MOK: variants seen among roughly 807,000 people sequenced by gnomAD.
MOK encodes MOK protein kinase, also known as MAPK/MAK/MRK overlapping kinase.
Under a neutral mutation model 54.2 loss-of-function variants are expected in MOK, and 59 were observed. The observed-to-expected ratio is 1.09, with a 90% CI of 0.88 to 1.35. MOK has a LOEUF of 1.35. Among genes scored for constraint, MOK ranks in the 40% most tolerant of loss-of-function variants. MOK has a pLI of 0.00. For synonymous variants in MOK, 210 were observed against 202.7 expected (o/e 1.04, Z -0.31); for missense variants, 517 against 526.2 (o/e 0.98, Z 0.17).
At chr14:102,304,714 G>C (rs980949468) in intron 1 of MOK, among the ~76,000 whole-genome samples, 1 of 152,216 alleles carries the variant, frequency 6.6e-6, no homozygotes, top group African/African-American at 2.4e-5. Context: ...GGGAACTCGA[G>C]TCGGCTCTCC....
At chr14:102,274,098 T>C (rs1025004218) in intron 2 of MOK, among the ~76,000 whole-genome samples, 2 of 151,480 alleles carry the variant, frequency 1.3e-5, no homozygotes, top group Non-Finnish European at 2.9e-5. Context: ...GCTGGGACTA[T>C]AGGCGCCTGC....
intron 1 of MOK, among the ~76,000 whole-genome samples, chr14:102,302,920 G>C (rs890140284): frequency 5.3e-5 from 8 of 151,368 alleles, no homozygotes; most frequent in Admixed American, 4.6e-4. Flanking sequence ...CCAACACTTT[G>C]GGAGGCTGAG....
intron 2 of MOK, 26 bp downstream of exon 2, chr14:102,283,452 G>C (rs963357059): frequency 2.0e-6 from 3 of 1,502,048 alleles, no homozygotes. Context: ...TCTGTGTTTG[G>C]TCCCAAGTGC....
At chr14:102,268,075 T>C (rs2068055566) in intron 2 of MOK, among the ~76,000 whole-genome samples, 1 of 152,112 alleles carries the variant, frequency 6.6e-6, no homozygotes, top group South Asian at 2.1e-4. Flanking sequence ...GAACACCCGA[T>C]CTGAAAAACT....
chr14:102,229,298 G>T lies in MOK; in HGVS notation c.1251C>A (p.Gly417=), dbSNP rs1162876952. The change falls in exon 12 of 12, where the codon GGC becomes GGA. Residue 417 remains glycine, a synonymous_variant. Coordinates refer to ENST00000361847, the MANE Select transcript of MOK (RefSeq NM_014226.3). ...QCRLPTIVRK[G]GR ...CGACGGTGCTGCTCAGTTATCTTCC[G>T]CCTTTCCGCACTATGGTGGGCAGGC... is the stretch of plus-strand genomic sequence containing the variant. The T allele has an allele frequency of 6.2e-7, 1 of 1,603,968 alleles. No homozygotes were observed. Among genetic ancestry groups the T allele is most frequent in the Non-Finnish European group, 8.5e-7 (1 of 1,174,122 alleles).
intron 2 of MOK, among the ~76,000 whole-genome samples, chr14:102,273,348 G>A (rs1323764368): frequency 2.0e-5 from 3 of 150,276 alleles, no homozygotes; most frequent in Non-Finnish European, 4.4e-5. Context: ...AAAATTAATT[G>A]CATTTCTACA....
At chr14:102,270,779 G>A (rs2068288728) in intron 2 of MOK, among the ~76,000 whole-genome samples, 1 of 152,070 alleles carries the variant, frequency 6.6e-6, no homozygotes, top group Non-Finnish European at 1.5e-5. Context: ...CTTATTAGTT[G>A]TTATCAAAAA....
At chr14:102,271,261 T>C (rs764794385) in intron 2 of MOK, among the ~76,000 whole-genome samples, 5 of 152,202 alleles carry the variant, frequency 3.3e-5, no homozygotes, top group Admixed American at 6.5e-5. Context: ...TTATTTGGCA[T>C]AGTTCTGGTT....
At chr14:102,278,572 G>C in intron 2 of MOK, 1 of 431,588 alleles carries the variant, frequency 2.3e-6, no homozygotes, top group Non-Finnish European at 4.7e-6. Flanking sequence ...GGGAAGAACG[G>C]TGGGAAGATC....
intron 7 of MOK, among the ~76,000 whole-genome samples, chr14:102,243,295 G>T (rs1449591382): frequency 6.6e-6 from 1 of 152,082 alleles, no homozygotes; most frequent in Non-Finnish European, 1.5e-5. Context: ...CTTAAAAACA[G>T]CCCTGGAAGC....
intron 1 of MOK, 83 bp downstream of exon 1, chr14:102,304,879 C>G: frequency 1.3e-6 from 2 of 1,487,680 alleles, no homozygotes; most frequent in Non-Finnish European, 1.8e-6. Flanking sequence ...CCACAGGCCC[C>G]TCAAGCTCCT....
chr14:102,266,865 A>C (rs1211842175), intron 2 of MOK, among the ~76,000 whole-genome samples: 2 of 152,178 alleles, frequency 1.3e-5, no homozygotes, highest in African/African-American at 4.8e-5. Flanking sequence ...TACAGGTGTG[A>C]GCTACCACGC....
intron 2 of MOK, among the ~76,000 whole-genome samples, chr14:102,275,442 C>A (rs564708443): frequency 2.6e-5 from 4 of 151,142 alleles, no homozygotes; most frequent in Non-Finnish European, 4.4e-5. Context: ...TGGGCGCCTG[C>A]GGTCCCAGCT....
the MOK span, among the ~76,000 whole-genome samples, chr14:102,216,353 C>T: frequency 5.3e-5 from 8 of 152,118 alleles, no homozygotes; most frequent in Non-Finnish European, 1.0e-4. Flanking sequence ...CGCTCTGTTG[C>T]CCGAACATGG....
chr14:102,263,500 G>C, intron 4 of MOK, 46 bp downstream of exon 4: 1 of 1,346,436 alleles, frequency 7.4e-7, no homozygotes, highest in Non-Finnish European at 1.0e-6. Flanking sequence ...TGAATTACAA[G>C]CCTTAAAAGA....
chr14:102,276,291 T>G (rs1332902725), intron 2 of MOK, among the ~76,000 whole-genome samples: 1 of 151,672 alleles, frequency 6.6e-6, no homozygotes, highest in African/African-American at 2.4e-5. Flanking sequence ...GAGACCATCC[T>G]GGCTAACATG....
intron 1 of MOK, among the ~76,000 whole-genome samples, chr14:102,301,311 T>C (rs141092388): frequency 6.6e-6 from 1 of 152,276 alleles, no homozygotes; most frequent in African/African-American, 2.4e-5. Flanking sequence ...AAAAGTAACA[T>C]GCCTGAAGCT....
intron 1 of MOK, among the ~76,000 whole-genome samples, chr14:102,300,323 CAAAAAAAAA>C (rs71468398): frequency 5.2e-5 from 2 of 38,480 alleles, no homozygotes; most frequent in Admixed American, 2.4e-4. Context: ...AACTCTATCT[CAAAAAAAAA>C]AAAAAAAAAA....
At chr14:102,248,084 C>T (rs2066232250) in intron 7 of MOK, among the ~76,000 whole-genome samples, 1 of 152,242 alleles carries the variant, frequency 6.6e-6, no homozygotes, top group South Asian at 2.1e-4. Context: ...CCATAACCAT[C>T]ACCCCTTCCC....
Sources: allele counts gnomAD v4.1 joint callset (sites outside exome capture counted in the v4.1 genomes callset), GRCh38; gene constraint gnomAD v4.1.1; transcripts MANE v1.5; gene names NCBI Gene and HGNC (gene_info 2026-07-23, HGNC 2026-07-21).